PASD1: variants seen among roughly 807,000 people sequenced by gnomAD.
The protein encoded by PASD1 is circadian clock protein PASD1.
In PASD1, 13 loss-of-function variants were observed where a neutral mutation model predicts 58.8. The ratio of observed to expected loss-of-function variants is 0.22; its 90% CI spans 0.14 to 0.35. The LOEUF is 0.35. Among genes scored for constraint, PASD1 ranks in the 10% least tolerant of loss-of-function variants. PASD1 has a pLI of 1.00. For missense variants in PASD1, 734 were observed against 568.3 expected, an observed-to-expected ratio of 1.29 and a Z score of -2.96; for synonymous variants, 236 against 216.7, an observed-to-expected ratio of 1.09 and a Z score of -0.78.
intron 1 of PASD1, among the ~76,000 whole-genome samples, chrX:151,572,420 G>T (rs1010163636): frequency 4.5e-5 from 5 of 111,565 alleles, no homozygotes; most frequent in African/African-American, 1.6e-4. Flanking sequence ...TGTAGAACCC[G>T]CTGTCCTGGA....
chrX:151,571,219 T>C (rs1368253250), intron 1 of PASD1, among the ~76,000 whole-genome samples: 13 of 112,304 alleles, frequency 1.2e-4, no homozygotes, highest in Non-Finnish European at 2.4e-4. Context: ...ATGGAACAAA[T>C]TGAGGTGCCA....
chrX:151,671,002 T>C, intron 11 of PASD1, 36 bp from the exon 12 acceptor site: 1 of 1,182,109 alleles, frequency 8.5e-7, no homozygotes, highest in Non-Finnish European at 1.1e-6. Flanking sequence ...AAACCAGTGT[T>C]GCTATACATG....
At chrX:151,611,935 A>G (rs1178190993) in intron 4 of PASD1, among the ~76,000 whole-genome samples, 182 bp downstream of exon 4, 1 of 106,105 alleles carries the variant, frequency 9.4e-6, no homozygotes, top group East Asian at 3.1e-4. Context: ...TTCATTTAAT[A>G]TTAGGTGTAT....
intron 3 of PASD1, among the ~76,000 whole-genome samples, chrX:151,606,522 TC>T (rs1180239683): frequency 3.6e-5 from 4 of 111,269 alleles, no homozygotes; most frequent in Non-Finnish European, 7.5e-5. Context: ...CACTGTGCTC[TC>T]ATGTAGAGTA....
At position 151,671,136 on chromosome X, in the gene PASD1, G is replaced by T; in HGVS notation, c.1170G>T (p.Leu390Phe). 1 of 1,211,918 alleles carries T rather than the reference G, an allele frequency of 8.3e-7. No individual in the cohort carries two copies. The highest frequency in any genetic ancestry group is 1.8e-5 in the South Asian group (1 of 56,943). The change falls in exon 12 of 16, where the codon TTG becomes TTT. Residue 390 changes from leucine (L) to phenylalanine (F), a missense_variant. Transcript: ENST00000370357. ...AGCAGCTAGAAGAGAGGACTTGGTTGCTGCATGATGCCATCCAAAACCAGC... is the reference window on the plus strand; with the variant it reads ...AGCAGCTAGAAGAGAGGACTTGGTTTCTGCATGATGCCATCCAAAACCAGC... Reference protein sequence around the residue: ...LKEQLEERTWLLHDAIQNQQN... With the variant: ...LKEQLEERTWFLHDAIQNQQN...
At position 151,672,442 on chromosome X, in the gene PASD1, A is replaced by G. The variant is rs975516701; in HGVS notation, c.1697A>G (p.Gln566Arg). 7.4e-6 allele frequency: 9 copies of G among 1,211,953 alleles called. No homozygotes were observed. The highest frequency in any genetic ancestry group is 1.0e-5 in the Non-Finnish European group (9 of 895,597). The change falls in exon 14 of 16, where the codon CAG becomes CGG. Residue 566 changes from glutamine (Q) to arginine (R), a missense_variant. Gln to Arg is a conservative substitution (Grantham distance 43). Coordinates refer to ENST00000370357, the MANE Select transcript of PASD1 (RefSeq NM_173493.3). ...KEPEEEQQKQ[Q>R]LQEQPLKHNV... ...CCAGAGGAGGAGCAGCAGAAGCAGC[A>G]GCTGCAAGAGCAGCCACTGAAGCAT...
chrX:151,634,584 T>A (rs753554604), intron 8 of PASD1, among the ~76,000 whole-genome samples: 10 of 111,369 alleles, frequency 9.0e-5, no homozygotes, highest in Non-Finnish European at 1.7e-4. Context: ...AGACTTCCTT[T>A]GATATTCTTA....
intron 1 of PASD1, among the ~76,000 whole-genome samples, chrX:151,600,495 G>A (rs933126658): frequency 2.7e-5 from 3 of 110,997 alleles, no homozygotes; most frequent in Non-Finnish European, 5.7e-5. Context: ...CAGTATGGTG[G>A]TGTCTTTTCT....
At chrX:151,577,525 C>CTTTA (rs2013024590) in intron 1 of PASD1, among the ~76,000 whole-genome samples, 1 of 111,160 alleles carries the variant, frequency 9.0e-6, no homozygotes, top group African/African-American at 3.3e-5. Flanking sequence ...AGGTGAGAGT[C>CTTTA]TTTATTTATT....
intron 4 of PASD1, among the ~76,000 whole-genome samples, chrX:151,614,814 G>A (rs1408635464): frequency 3.6e-5 from 4 of 111,521 alleles, no homozygotes; most frequent in African/African-American, 6.5e-5. Flanking sequence ...TGGCCTTCTT[G>A]GAAGCTCAGA....
At chrX:151,637,760 A>G (rs1468558374) in intron 8 of PASD1, among the ~76,000 whole-genome samples, 1 of 111,748 alleles carries the variant, frequency 8.9e-6, no homozygotes, top group Non-Finnish European at 1.9e-5. Context: ...AGTGGTATTG[A>G]ATTATGGTTT....
chrX:151,595,123 T>C (rs1219001253), intron 1 of PASD1, among the ~76,000 whole-genome samples: 1 of 112,491 alleles, frequency 8.9e-6, no homozygotes, highest in African/African-American at 3.2e-5. Context: ...GTTTATTTTA[T>C]TGGGTTCACC....
chrX:151,617,730 A>G (rs895357703), intron 4 of PASD1, among the ~76,000 whole-genome samples: 4 of 112,182 alleles, frequency 3.6e-5, no homozygotes, highest in Non-Finnish European at 7.5e-5. Context: ...ACTGGACTTG[A>G]GGCAGCTATG....
chrX:151,593,890 G>A (rs1284248442), intron 1 of PASD1, among the ~76,000 whole-genome samples: 3 of 111,560 alleles, frequency 2.7e-5, no homozygotes, highest in Admixed American at 1.9e-4. Context: ...TCTTATAGAC[G>A]ATACATATAG....
intron 1 of PASD1, among the ~76,000 whole-genome samples, chrX:151,572,743 T>G (rs1426004628): frequency 9.1e-6 from 1 of 109,828 alleles, no homozygotes; most frequent in Non-Finnish European, 1.9e-5. Flanking sequence ...TGAAGATGTC[T>G]TTTAAATGGT....
intron 15 of PASD1, 75 bp from the exon 16 acceptor site, chrX:151,675,922 G>T: frequency 1.9e-6 from 2 of 1,070,523 alleles, no homozygotes; most frequent in East Asian, 6.1e-5. Flanking sequence ...TGAACTAAAG[G>T]ATTCCTCCTA....
intron 15 of PASD1, 86 bp downstream of exon 15, chrX:151,674,272 C>A: frequency 9.0e-7 from 1 of 1,117,307 alleles, no homozygotes. Flanking sequence ...ACCCCAAGTG[C>A]ATGCTGTGTG....
At position 151,611,590 on chromosome X, in the gene PASD1, A is replaced by G. The variant is rs775551831; in HGVS notation, c.118-74A>G. ...TTTCAGTGTGCTATTATAATTATCT[A>G]TGCATTTAGCAATAAAACTATCATT... is the stretch of plus-strand genomic sequence containing the variant. On this transcript the variant is annotated intron_variant, in intron 3 of 15. Transcript: ENST00000370357. 4.8e-5 allele frequency: 34 copies of G among 705,206 alleles called. No individual in the cohort carries two copies. The East Asian group carries it at 5.7e-4, about 12-fold the overall frequency. The allele number at this position is 705,206 out of a possible 1,213,427, so 58.1% of individuals were successfully genotyped here.
At chrX:151,591,196 T>C (rs1308733691) in intron 1 of PASD1, among the ~76,000 whole-genome samples, 1 of 111,882 alleles carries the variant, frequency 8.9e-6, no homozygotes, top group Non-Finnish European at 1.9e-5. Context: ...TATATTATCA[T>C]AGTAGTCATG....
Sources: gnomAD v4.1 joint callset for allele counts (sites outside exome capture counted in the v4.1 genomes callset) on GRCh38, gnomAD v4.1.1 for gene constraint, MANE v1.5 for transcripts, NCBI Gene and HGNC (gene_info 2026-07-23, HGNC 2026-07-21) for gene names.